The following GYS2 variants were observed in gnomAD, a reference collection of about 807,000 sequenced individuals.
GYS2 encodes glycogen [starch] synthase, liver.
In GYS2, 80 loss-of-function variants were observed where a neutral mutation model predicts 85.6. The ratio of observed to expected loss-of-function variants is 0.93; its 90% CI spans 0.78 to 1.13. The LOEUF is 1.13. Among genes scored for constraint, GYS2 ranks in the 50% most tolerant of loss-of-function variants. The pLI is 0.00. For synonymous variants in GYS2, 328 were observed against 300.7 expected (o/e 1.09, Z -0.94); for missense variants, 881 against 854.9 (o/e 1.03, Z -0.38).
At chr12:21,591,248 A>G (rs1944635735) in intron 1 of GYS2, among the ~76,000 whole-genome samples, 1 of 152,166 alleles carries the variant, frequency 6.6e-6, no homozygotes, top group South Asian at 2.1e-4. Flanking sequence ...AGAAATCAGA[A>G]AAACAATTCA....
intron 13 of GYS2, among the ~76,000 whole-genome samples, 172 bp downstream of exon 13, chr12:21,542,324 A>C (rs1943987363): frequency 6.6e-6 from 1 of 152,234 alleles, no homozygotes; most frequent in African/African-American, 2.4e-5. Context: ...TGCTGGGATT[A>C]CAGGCATGAG....
At position 21,560,456 on chromosome 12, in the gene GYS2, T is replaced by C. The variant is rs1474338509; in HGVS notation, c.1099A>G (p.Ile367Val). 2 of 1,603,732 alleles carry C rather than the reference T, an allele frequency of 1.2e-6. No individual in the cohort carries two copies. The highest frequency in any genetic ancestry group is 2.2e-5 in the East Asian group (1 of 44,792). The change falls in exon 8 of 16, where the codon ATT becomes GTT. Residue 367 changes from isoleucine to valine, a missense_variant. Transcript: ENST00000261195. ...AAATTATTTGTCTTGGCAGGCATAA[T>C]GAAAAACACCATCACTGTGATGTCA... ...KSDITVMVFFIMPAKTNNFNV... is the reference protein window; with the variant it reads ...KSDITVMVFFVMPAKTNNFNV...
intron 11 of GYS2, among the ~76,000 whole-genome samples, chr12:21,550,383 A>G (rs938829273): frequency 6.6e-6 from 1 of 151,888 alleles, no homozygotes; most frequent in Non-Finnish European, 1.5e-5. Flanking sequence ...AATTTGCTAC[A>G]TATTGGGTCA....
intron 10 of GYS2, 64 bp from the exon 11 acceptor site, chr12:21,558,377 A>T: frequency 4.1e-6 from 4 of 977,608 alleles, no homozygotes; most frequent in Non-Finnish European, 6.6e-6. Flanking sequence ...ACTAATTTCA[A>T]CAATAGGTCA....
At chr12:21,595,952 G>A (rs1002053578) in intron 1 of GYS2, among the ~76,000 whole-genome samples, 1 of 152,102 alleles carries the variant, frequency 6.6e-6, no homozygotes, top group Admixed American at 6.6e-5. Flanking sequence ...GGACTTAACA[G>A]TTATATACAG....
intron 5 of GYS2, among the ~76,000 whole-genome samples, chr12:21,564,364 G>C (rs1334337417): frequency 6.6e-6 from 1 of 152,174 alleles, no homozygotes; most frequent in Admixed American, 6.5e-5. Context: ...CCAGGAGGTG[G>C]AGGTTGCAGT....
intron 9 of GYS2, 90 bp downstream of exon 9, chr12:21,559,561 A>G: frequency 1.3e-6 from 1 of 790,284 alleles, no homozygotes; most frequent in Non-Finnish European, 2.2e-6. Flanking sequence ...TGATATTTGG[A>G]ACAAAATTAA....
intron 1 of GYS2, among the ~76,000 whole-genome samples, chr12:21,595,706 T>C (rs560039275): frequency 3.2e-4 from 49 of 152,314 alleles, no homozygotes; most frequent in Middle Eastern, 3.4e-3. Flanking sequence ...AGAGGGACAT[T>C]ATATAATGGT....
intron 1 of GYS2, among the ~76,000 whole-genome samples, chr12:21,601,211 A>G (rs1944752644): frequency 6.6e-6 from 1 of 151,994 alleles, no homozygotes; most frequent in Non-Finnish European, 1.5e-5. Flanking sequence ...CATTTGGGCA[A>G]AACTTTCCAT....
chr12:21,550,655 G>A (rs997750024), intron 11 of GYS2, among the ~76,000 whole-genome samples: 4 of 152,128 alleles, frequency 2.6e-5, no homozygotes, highest in African/African-American at 7.2e-5. Flanking sequence ...AGAAAAAGGA[G>A]ACAGGCCGGG....
intron 1 of GYS2, among the ~76,000 whole-genome samples, chr12:21,585,750 C>T (rs1944565583): frequency 6.6e-6 from 1 of 152,178 alleles, no homozygotes; most frequent in Non-Finnish European, 1.5e-5. Flanking sequence ...TGTCTGTATA[C>T]ACTTGTACTA....
rs1943910357 is a variant in GYS2 at position 21,536,355 on chromosome 12, A to G, written c.*599T>C. ...ATATCTTGCATTAATTACAACATCA[A>G]TTCTAGATTTCAAAAGTGACATAAA... On this transcript the variant is annotated 3_prime_UTR_variant, in exon 16 of 16. Coordinates refer to ENST00000261195, the MANE Select transcript of GYS2 (RefSeq NM_021957.4). The G allele has an allele frequency of 6.5e-6, 1 of 154,406 alleles. No individual in the cohort carries two copies. Among genetic ancestry groups the G allele is most frequent in the African/African-American group, 2.4e-5 (1 of 41,478 alleles). 9.6% of individuals were successfully genotyped at this position (154,406 alleles called of 1,614,324 possible).
intron 13 of GYS2, among the ~76,000 whole-genome samples, chr12:21,541,434 T>G (rs1943975311): frequency 1.3e-5 from 2 of 152,038 alleles, no homozygotes; most frequent in Non-Finnish European, 2.9e-5. Context: ...CTTTGCTAAG[T>G]TGTCACGGGC....
chr12:21,565,156 T>A (rs1048570095), intron 5 of GYS2, among the ~76,000 whole-genome samples: 3 of 151,818 alleles, frequency 2.0e-5, no homozygotes, highest in Admixed American at 6.6e-5. Flanking sequence ...ATATCCATAT[T>A]TATAACAGAA....
At chr12:21,534,199 C>T (rs549604445), downstream of GYS2, among the ~76,000 whole-genome samples, 2 of 152,250 alleles carry the variant, frequency 1.3e-5, no homozygotes, top group African/African-American at 2.4e-5. Flanking sequence ...TTCTGATAGG[C>T]CCATTATAAA....
intron 1 of GYS2, among the ~76,000 whole-genome samples, chr12:21,586,419 A>ATATCTATCTATC (rs60692055): frequency 9.3e-4 from 138 of 147,874 alleles, no homozygotes; most frequent in South Asian, 1.5e-3. Flanking sequence ...ATCTAAATCT[A>ATATCTATCTATC]TATCTATCTA....
chr12:21,576,018 C>G lies in GYS2; in HGVS notation c.343G>C (p.Val115Leu). Reference protein sequence around the residue: ...GRWLIEGSPYVVLFDIGYSAW... With the variant: ...GRWLIEGSPYLVLFDIGYSAW... ...GAATAGCCTATGTCAAAAAGTACCA[C>G]ATAAGGACTTCCTTCTATCAGCCAT... The change falls in exon 3 of 16, where the codon GTG becomes CTG. Residue 115 changes from valine to leucine, a missense_variant. Coordinates refer to ENST00000261195, the MANE Select transcript of GYS2 (RefSeq NM_021957.4). The G allele has an allele frequency of 1.9e-6, 3 of 1,613,722 alleles. No homozygotes were observed. The highest frequency in any genetic ancestry group is 2.5e-6 in the Non-Finnish European group (3 of 1,179,846).
Position 21,537,117 on chromosome 12 carries a change from T to G in GYS2, c.1949A>C (p.Gln650Pro). Residue 650 changes from glutamine (Q) to proline (P), a missense_variant, in exon 16 of 16, where the codon CAG becomes CCG. Coordinates refer to ENST00000261195, the MANE Select transcript of GYS2 (RefSeq NM_021957.4). Reference sequence around the variant, plus strand: ...ATCACTGCTCTGAGGACTGGAGGCCTGAGACCCTGAAGGAGAAGGTGGTAC... The same window carrying G: ...ATCACTGCTCTGAGGACTGGAGGCCGGAGACCCTGAAGGAGAAGGTGGTAC... ...SSVPPSPSGS[Q>P]ASSPQSSDVE... is the part of the protein sequence containing the mutation. 1.9e-6 allele frequency: 3 copies of G among 1,613,780 alleles called. No homozygotes were observed. The highest frequency in any genetic ancestry group is 2.5e-6 in the Non-Finnish European group (3 of 1,179,738).
chr12:21,535,675 G>A (rs1007225539), downstream of GYS2, among the ~76,000 whole-genome samples: 5 of 152,158 alleles, frequency 3.3e-5, no homozygotes, highest in African/African-American at 7.2e-5. Context: ...ACACCTTGTC[G>A]TTGCTGCTAT....
Sources: gnomAD v4.1 joint callset for allele counts (sites outside exome capture counted in the v4.1 genomes callset) on GRCh38, gnomAD v4.1.1 for gene constraint, MANE v1.5 for transcripts, NCBI Gene and HGNC (gene_info 2026-07-23, HGNC 2026-07-21) for gene names.